The following SORBS2 variants were observed in gnomAD, a reference collection of about 807,000 sequenced individuals.
SORBS2 encodes the protein sorbin and SH3 domain containing 2.
In SORBS2, 46 loss-of-function variants were observed where a neutral mutation model predicts 97.7. The observed-to-expected ratio is 0.47, with a 90% CI of 0.37 to 0.60. The LOEUF is 0.60. Ranked by LOEUF, SORBS2 falls within the 20% of genes least tolerant of loss-of-function variation. The pLI, the probability that SORBS2 is intolerant of heterozygous loss-of-function variation, is 0.00. For missense variants in SORBS2, 1,316 were observed against 1,282.3 expected, an observed-to-expected ratio of 1.03 and a Z score of -0.40; for synonymous variants, 476 against 473.4, an observed-to-expected ratio of 1.01 and a Z score of -0.07.
intron 2 of SORBS2, among the ~76,000 whole-genome samples, chr4:185,723,210 A>G (rs540437940): frequency 6.6e-6 from 1 of 152,356 alleles, no homozygotes; most frequent in Admixed American, 6.5e-5. Flanking sequence ...AACTCTGGCC[A>G]TAGAGGCAAG....
intron 11 of SORBS2, 45 bp from the exon 24 acceptor site, chr4:185,612,025 A>AT: frequency 8.0e-7 from 1 of 1,254,286 alleles, no homozygotes; most frequent in Non-Finnish European, 1.2e-6. Flanking sequence ...GAGATAGAAT[A>AT]ACATGAAAAT....
intron 1 of SORBS2, among the ~76,000 whole-genome samples, chr4:185,937,798 C>T (rs1292020481): frequency 6.6e-6 from 1 of 152,098 alleles, no homozygotes; most frequent in South Asian, 2.1e-4. Context: ...GCATCCAGCC[C>T]CACAGGTGCT....
chr4:185,885,762 G>A lies in SORBS2; in HGVS notation c.-338+70434C>T, dbSNP rs529290390. Among the ~76,000 whole-genome samples the A allele has an allele frequency of 3.9e-5, 6 of 152,312 alleles. No individual in the cohort carries two copies. In the South Asian group the frequency reaches 1.2e-3, roughly 32 times the overall value. On this transcript the variant is annotated intron_variant, in intron 1 of 20. Coordinates refer to the SORBS2 transcript ENST00000284776. Reference sequence around the variant, plus strand: ...CTTGGCATCTCTGTAGAGAAAAAAGGTAGCATGAAAAGAAGCCAAATCGTG... The same window carrying A: ...CTTGGCATCTCTGTAGAGAAAAAAGATAGCATGAAAAGAAGCCAAATCGTG...
intron 1 of SORBS2, among the ~76,000 whole-genome samples, chr4:185,807,122 A>T (rs1310104852): frequency 2.0e-5 from 3 of 152,238 alleles, no homozygotes; most frequent in African/African-American, 7.2e-5. Flanking sequence ...GCAACCGTAT[A>T]AATGAACAGA....
intron 2 of SORBS2, among the ~76,000 whole-genome samples, chr4:185,736,042 G>T (rs964280555): frequency 6.6e-6 from 1 of 152,144 alleles, no homozygotes; most frequent in Non-Finnish European, 1.5e-5. Flanking sequence ...CCGTGGACAG[G>T]TGCCAAGTCA....
Position 185,678,819 on chromosome 4 carries a change from C to T in SORBS2, c.-194G>A, listed in dbSNP as rs190199282. 264 of 1,453,292 alleles carry T rather than the reference C, an allele frequency of 1.8e-4. 1 individual carries two copies. The African/African-American group carries it at 3.1e-3, about 17-fold the overall frequency. 90.0% of individuals were successfully genotyped at this position (1,453,292 alleles called of 1,614,324 possible). A position where few individuals can be genotyped will look rare whatever the true frequency, so the allele number is the denominator to read the frequency against. On this transcript the variant is annotated 5_prime_UTR_variant, in exon 3 of 21. Coordinates refer to the SORBS2 transcript ENST00000284776. ...ACCTGAGTCTGGTGACTGAGAATCACGCCCTGAAAGAAAAAAAAATGTTGA... is the reference window on the plus strand; with the variant it reads ...ACCTGAGTCTGGTGACTGAGAATCATGCCCTGAAAGAAAAAAAAATGTTGA...
upstream of SORBS2, among the ~76,000 whole-genome samples, chr4:185,660,872 C>T (rs964509682): frequency 6.6e-6 from 1 of 152,178 alleles, no homozygotes; most frequent in East Asian, 1.9e-4. Context: ...CTAGAAGCTT[C>T]CTAGTGAGTC....
chr4:185,946,173 G>A (rs1162402826), intron 1 of SORBS2, among the ~76,000 whole-genome samples: 1 of 115,850 alleles, frequency 8.6e-6, no homozygotes, highest in Non-Finnish European at 1.6e-5. Flanking sequence ...CATCCGTACA[G>A]CACCCATAGG....
At chr4:185,948,286 C>T (rs1356379692) in intron 1 of SORBS2, among the ~76,000 whole-genome samples, 1 of 152,128 alleles carries the variant, frequency 6.6e-6, no homozygotes, top group East Asian at 1.9e-4. Context: ...TCTTTTCAGG[C>T]ATTTCTGGGC....
intron 1 of SORBS2, among the ~76,000 whole-genome samples, chr4:185,879,535 A>G (rs1018127145): frequency 6.6e-6 from 1 of 152,198 alleles, no homozygotes; most frequent in African/African-American, 2.4e-5. Flanking sequence ...GTATATACCC[A>G]GTAATGGGAT....
In SORBS2 at chr4:185,856,575, G is replaced by A. The variant is rs1052691411; in HGVS notation, c.-337-81209C>T. On this transcript the variant is annotated intron_variant, in intron 1 of 20. Transcript: ENST00000284776. ...AACTTTTTTTAAAAAAGGATCATAA[G>A]TTAAAATATTCTATTTTCCTTTACT... 3.9e-5 allele frequency among the ~76,000 whole-genome samples: 6 copies of A among 152,168 alleles called. No individual in the cohort carries two copies. In the South Asian group the frequency reaches 1.0e-3, roughly 26 times the overall value.
intron 1 of SORBS2, chr4:185,812,980 A>G (rs2099189373): frequency 6.6e-6 from 1 of 152,224 alleles, no homozygotes; most frequent in South Asian, 2.1e-4. Context: ...CTTCCTCAGT[A>G]AAATGGATCA....
At chr4:185,589,648 C>T in intron 14 of SORBS2, 31 bp downstream of exon 26, 5 of 1,324,278 alleles carry the variant, frequency 3.8e-6, no homozygotes, top group Non-Finnish European at 5.5e-6. Flanking sequence ...TACAAAATAG[C>T]CGAAGGTGCC....
intron 4 of SORBS2, among the ~76,000 whole-genome samples, chr4:185,663,439 C>A (rs578135433): frequency 6.6e-6 from 1 of 152,262 alleles, no homozygotes; most frequent in African/African-American, 2.4e-5. Flanking sequence ...CATTTCATTA[C>A]AAGCCTTGTG....
At chr4:185,729,533 T>C (rs372891963) in intron 2 of SORBS2, among the ~76,000 whole-genome samples, 64 of 152,368 alleles carry the variant, frequency 4.2e-4, no homozygotes, top group African/African-American at 1.5e-3. Flanking sequence ...TGTAGCCACG[T>C]GGATCTGTGT....
chr4:185,883,587 G>C (rs6856598), intron 1 of SORBS2, among the ~76,000 whole-genome samples: 21,066 of 152,218 alleles, frequency 0.14, 1,746 homozygotes, highest in Non-Finnish European at 0.19. Context: ...ATTTATAATA[G>C]CTGAAACTAG....
At chr4:185,706,973 T>G (rs1235680107) in intron 2 of SORBS2, among the ~76,000 whole-genome samples, 1 of 152,170 alleles carries the variant, frequency 6.6e-6, no homozygotes, top group South Asian at 2.1e-4. Context: ...CATAAACACG[T>G]ATGTACATGT....
intron 2 of SORBS2, among the ~76,000 whole-genome samples, chr4:185,723,998 C>G (rs1210635990): frequency 1.3e-5 from 2 of 152,214 alleles, no homozygotes; most frequent in Admixed American, 1.3e-4. Context: ...ATCTACTGAT[C>G]AGCACCTGAC....
intron 1 of SORBS2, among the ~76,000 whole-genome samples, chr4:185,827,282 T>C (rs1017123215): frequency 1.9e-5 from 2 of 107,192 alleles, no homozygotes; most frequent in South Asian, 2.8e-4. Context: ...ATCACCATCA[T>C]CATCACCATC....
Sources: allele counts gnomAD v4.1 joint callset (sites outside exome capture counted in the v4.1 genomes callset), GRCh38; gene constraint gnomAD v4.1.1; transcripts MANE v1.5; gene names NCBI Gene and HGNC (gene_info 2026-07-23, HGNC 2026-07-21).